Variants in CDH22 observed in about 807,000 individuals in gnomAD.
CDH22 encodes the protein cadherin 22, also known as cadherin-22.
CDH22 carries 30 observed loss-of-function variants against 58.4 expected under a neutral mutation model. The ratio of observed to expected loss-of-function variants is 0.51; its 90% CI spans 0.38 to 0.70. The LOEUF is 0.70. Ranked by LOEUF, CDH22 falls within the 30% of genes least tolerant of loss-of-function variation. The pLI is 0.00. For synonymous variants in CDH22, 513 were observed against 558.2 expected (o/e 0.92, Z 1.14); for missense variants, 1,014 against 1,233.9 (o/e 0.82, Z 2.67).
At chr20:46,287,900 C>A (rs532918691) in intron 1 of CDH22, among the ~76,000 whole-genome samples, 25 of 151,968 alleles carry the variant, frequency 1.6e-4, no homozygotes, top group Middle Eastern at 3.4e-3. Flanking sequence ...ATAATGGTGG[C>A]TTGAAGTAGG....
chr20:46,305,288 A>G (rs1268997545), intron 1 of CDH22, among the ~76,000 whole-genome samples: 1 of 152,220 alleles, frequency 6.6e-6, no homozygotes, highest in African/African-American at 2.4e-5. Context: ...TTCTCTAGAG[A>G]GGCCAGAATC....
chr20:46,224,381 C>T (rs1263124044), intron 4 of CDH22, among the ~76,000 whole-genome samples: 2 of 152,188 alleles, frequency 1.3e-5, no homozygotes, highest in African/African-American at 4.8e-5. Context: ...AATGAGTGAA[C>T]TGTCCCATTG....
chr20:46,217,160 T>C (rs1457694403), intron 4 of CDH22, among the ~76,000 whole-genome samples, 167 bp from the exon 5 acceptor site: 1 of 152,006 alleles, frequency 6.6e-6, no homozygotes, highest in East Asian at 1.9e-4. Context: ...GGGACAGGGC[T>C]CAGTGTACAC....
chr20:46,266,626 G>T (rs1231833744), intron 1 of CDH22, among the ~76,000 whole-genome samples: 1 of 152,240 alleles, frequency 6.6e-6, no homozygotes, highest in Non-Finnish European at 1.5e-5. Context: ...TGACATTAAA[G>T]AATCTGTCCC....
At chr20:46,178,306 ACAG>A in intron 10 of CDH22, 109 bp from the exon 11 acceptor site, 1 of 1,241,798 alleles carries the variant, frequency 8.1e-7, no homozygotes, top group South Asian at 1.4e-5. Context: ...GCCCCAAACT[ACAG>A]CCTCCCAATG....
At chr20:46,186,548 G>T (rs1489141384) in intron 10 of CDH22, 40 bp downstream of exon 10, 2 of 1,376,060 alleles carry the variant, frequency 1.5e-6, no homozygotes, top group East Asian at 2.3e-5. Context: ...CAGGGAGACT[G>T]TGCCCCTCCC....
chr20:46,190,380 C>T (rs533741458), intron 8 of CDH22, among the ~76,000 whole-genome samples: 2 of 152,180 alleles, frequency 1.3e-5, no homozygotes, highest in African/African-American at 4.8e-5. Flanking sequence ...CCAAGTTCAG[C>T]GCTTGGTCCT....
intron 4 of CDH22, among the ~76,000 whole-genome samples, chr20:46,222,974 C>T (rs937268066): frequency 9.2e-5 from 14 of 152,236 alleles, no homozygotes; most frequent in African/African-American, 3.4e-4. Flanking sequence ...GGCTGGGGAA[C>T]TAGAGCTGGG....
At chr20:46,281,532 A>G (rs2145767734) in intron 1 of CDH22, among the ~76,000 whole-genome samples, 1 of 151,852 alleles carries the variant, frequency 6.6e-6, no homozygotes, top group East Asian at 1.9e-4. Context: ...CTGCCTTTGT[A>G]TTCAGGGAGC....
At chr20:46,291,758 C>T (rs1255295421) in intron 1 of CDH22, among the ~76,000 whole-genome samples, 1 of 152,238 alleles carries the variant, frequency 6.6e-6, no homozygotes, top group African/African-American at 2.4e-5. Flanking sequence ...CTGCACAGCC[C>T]CATGTGCCCA....
At chr20:46,263,977 G>A (rs1877176612) in intron 1 of CDH22, among the ~76,000 whole-genome samples, 1 of 152,124 alleles carries the variant, frequency 6.6e-6, no homozygotes, top group African/African-American at 2.4e-5. Flanking sequence ...GGCTGGCGTG[G>A]GATGGAGAAA....
intron 3 of CDH22, among the ~76,000 whole-genome samples, chr20:46,235,255 G>A (rs575663719): frequency 6.6e-6 from 1 of 152,372 alleles, no homozygotes; most frequent in East Asian, 1.9e-4. Context: ...TGAGCTGGGT[G>A]TGGGAGACCT....
At chr20:46,295,002 G>A (rs1400954171) in intron 1 of CDH22, among the ~76,000 whole-genome samples, 1 of 152,236 alleles carries the variant, frequency 6.6e-6, no homozygotes, top group Non-Finnish European at 1.5e-5. Context: ...TCTGGAGGGA[G>A]AGAATTCTCC....
chr20:46,238,029 G>A (rs1251296987), intron 3 of CDH22, among the ~76,000 whole-genome samples: 1 of 152,146 alleles, frequency 6.6e-6, no homozygotes, highest in Non-Finnish European at 1.5e-5. Context: ...TGGAGATGAG[G>A]CTGCTCTTCC....
At chr20:46,189,900 C>T (rs896117219) in intron 8 of CDH22, among the ~76,000 whole-genome samples, 2 of 152,108 alleles carry the variant, frequency 1.3e-5, no homozygotes, top group African/African-American at 2.4e-5. Flanking sequence ...ACATCACAAT[C>T]ACCTGGAGAG....
At chr20:46,208,070 T>C (rs2086013765) in intron 7 of CDH22, among the ~76,000 whole-genome samples, 1 of 152,062 alleles carries the variant, frequency 6.6e-6, no homozygotes, top group Non-Finnish European at 1.5e-5. Flanking sequence ...AAACTTTCCC[T>C]CCCCCTCTCC....
chr20:46,227,481 CG>C, intron 4 of CDH22, 26 bp downstream of exon 4: 1 of 1,549,772 alleles, frequency 6.5e-7, no homozygotes, highest in East Asian at 2.4e-5. Context: ...CCCACGGCTC[CG>C]CCTCTGGCCC....
Position 46,308,345 on chromosome 20 carries a change from G to C in CDH22, c.-490C>G, listed in dbSNP as rs2059032918. The C allele has an allele frequency of 5.6e-6, 1 of 178,702 alleles. No homozygotes were observed. Among genetic ancestry groups the C allele is most frequent in the South Asian group, 2.0e-4 (1 of 5,088 alleles). 11.1% of individuals were successfully genotyped at this position (178,702 alleles called of 1,614,324 possible). A position where few individuals can be genotyped will look rare whatever the true frequency, so the allele number is the denominator to read the frequency against. ...CCGGCGCGGGCAGCGGGCGAGTCCG[G>C]AGCCCCGCGGCCGCCCGCAGGAGCC... On this transcript the variant is annotated 5_prime_UTR_variant, in exon 1 of 12. Transcript: ENST00000537909. This position sits in a 1 kb window ranked among gnomAD's most constrained non-coding sequence, Gnocchi z 4.3.
chr20:46,214,479 A>C (rs2086068380), intron 5 of CDH22, among the ~76,000 whole-genome samples: 1 of 152,112 alleles, frequency 6.6e-6, no homozygotes, highest in African/African-American at 2.4e-5. Flanking sequence ...AATCCCTTTT[A>C]TAGCTCCCCA....
Sources: gnomAD v4.1 joint callset for allele counts (sites outside exome capture counted in the v4.1 genomes callset) on GRCh38, gnomAD v4.1.1 for gene constraint, Gnocchi (gnomAD v3.1) non-coding constraint, MANE v1.5 for transcripts, NCBI Gene and HGNC (gene_info 2026-07-23, HGNC 2026-07-21) for gene names.